The following STAC2 variants were observed in gnomAD, a reference collection of about 807,000 sequenced individuals.
STAC2 encodes SH3 and cysteine-rich domain-containing protein 2.
STAC2 carries 36 observed loss-of-function variants against 49.0 expected under a neutral mutation model. The observed-to-expected ratio is 0.74, with a 90% confidence interval of 0.56 to 0.97. The LOEUF is 0.97. Among genes scored for constraint, STAC2 ranks in the 50% least tolerant of loss-of-function variants. The pLI, the probability that STAC2 is intolerant of heterozygous loss-of-function variation, is 0.00. For synonymous variants in STAC2, 239 were observed against 214.7 expected, an observed-to-expected ratio of 1.11 and a Z score of -0.99; for missense variants, 527 against 543.8, an observed-to-expected ratio of 0.97 and a Z score of 0.31.
intron 4 of STAC2, among the ~76,000 whole-genome samples, chr17:39,216,173 G>T (rs1389664078): frequency 6.6e-6 from 1 of 151,494 alleles, no homozygotes; most frequent in Admixed American, 6.6e-5. Flanking sequence ...TTAGAGATAG[G>T]GTCTCACCAT....
chr17:39,212,994 C>T lies in STAC2; in HGVS notation c.1131+1G>A. On this transcript the variant is annotated splice_donor_variant, in intron 10 of 10. Coordinates refer to ENST00000333461, the MANE Select transcript of STAC2 (RefSeq NM_198993.5). LOFTEE classifies it high-confidence loss of function. ...GCCTGGGCTGGGCCTCAGGCACTCA[C>T]CTGGTTCTCCTTGAGGCTCATGTAA... 61 of 1,613,822 alleles carry T rather than the reference C, an allele frequency of 3.8e-5. No individual in the cohort carries two copies. The highest frequency in any genetic ancestry group is 5.2e-5 in the Non-Finnish European group (61 of 1,179,998).
chr17:39,225,882 T>G lies in STAC2; in HGVS notation c.-380A>C. 1 of 190,720 alleles carries G rather than the reference T, an allele frequency of 5.2e-6. No individual in the cohort carries two copies. The highest frequency in any genetic ancestry group is 1.0e-5 in the Non-Finnish European group (1 of 98,114). 11.8% of individuals were successfully genotyped at this position (190,720 alleles called of 1,614,324 possible). A position where few individuals can be genotyped will look rare whatever the true frequency, so the allele number is the denominator to read the frequency against. ...TGCGCCCGCCCCCCATCCCCTCCCC[T>G]CCCCCGCCGGCCCCAGCCCGGCACC... On this transcript the variant is annotated 5_prime_UTR_variant, in exon 1 of 11. Transcript: ENST00000333461. This position sits in a 1 kb window ranked among gnomAD's most constrained non-coding sequence, Gnocchi z 8.2.
At position 39,225,393 on chromosome 17, in the gene STAC2, C is replaced by T. The variant is rs531456715; in HGVS notation, c.90+20G>A. 1.3e-6 allele frequency: 2 copies of T among 1,590,964 alleles called. No individual in the cohort carries two copies. Among genetic ancestry groups the T allele is most frequent in the Non-Finnish European group, 1.7e-6 (2 of 1,172,526 alleles). On this transcript the variant is annotated intron_variant, in intron 1 of 10. Coordinates refer to ENST00000333461, the MANE Select transcript of STAC2 (RefSeq NM_198993.5). This position sits in a 1 kb window ranked among gnomAD's most constrained non-coding sequence, Gnocchi z 8.2. Reference sequence around the variant, plus strand: ...CGCCCGGGCCCGGGGCGCGGACAGGCCTTGCGCCCCCCAAGTTACCTTGGT... The same window carrying T: ...CGCCCGGGCCCGGGGCGCGGACAGGTCTTGCGCCCCCCAAGTTACCTTGGT...
At chr17:39,216,231 C>T (rs1384854485) in intron 4 of STAC2, among the ~76,000 whole-genome samples, 2 of 152,048 alleles carry the variant, frequency 1.3e-5, no homozygotes, top group Non-Finnish European at 2.9e-5. Flanking sequence ...ATCCTCCTGC[C>T]TCAGCCTCCC....
rs151048915 is a variant in STAC2 at position 39,215,131 on chromosome 17, G to A, written c.686C>T (p.Pro229Leu). 129 of 1,613,620 alleles carry A rather than the reference G, an allele frequency of 8.0e-5. 1 individual carries two copies. The highest frequency in any genetic ancestry group is 1.0e-4 in the Non-Finnish European group (121 of 1,179,950). Residue 229 changes from proline (P) to leucine (L), a missense_variant, in exon 5 of 11, where the codon CCG becomes CTG. Transcript: ENST00000333461. ...TGCCCACCATACCAGGCTCCTTGTC[G>A]GGGACTCAGAGGTGCTGCTGAAACT... ...RSSFSSTSES[P>L]TRSLSERDEL...
intron 3 of STAC2, 22 bp from the exon 4 acceptor site, chr17:39,216,922 A>G: frequency 6.3e-7 from 1 of 1,589,354 alleles, no homozygotes; most frequent in South Asian, 1.1e-5. Context: ...GAGGGCAGAG[A>G]GGTTTTGAGG....
rs2046505189 is a variant in STAC2 at position 39,225,518 on chromosome 17, G to A, written c.-16C>T. 15 of 1,608,952 alleles carry A rather than the reference G, an allele frequency of 9.3e-6. No homozygotes were observed. Among genetic ancestry groups the A allele is most frequent in the Non-Finnish European group, 1.2e-5 (14 of 1,178,302 alleles). Reference sequence around the variant, plus strand: ...TCTCGGTCATGGTTCGGGGAGAGGGGAGGAGAGGGTGCCGAGATCCGACGG... The same window carrying A: ...TCTCGGTCATGGTTCGGGGAGAGGGAAGGAGAGGGTGCCGAGATCCGACGG... On this transcript the variant is annotated 5_prime_UTR_variant, in exon 1 of 11. Transcript: ENST00000333461. The surrounding 1 kb of genome is among the most constrained non-coding windows in gnomAD (Gnocchi z 8.2).
chr17:39,221,287 G>C (rs1442744136), intron 1 of STAC2, among the ~76,000 whole-genome samples: 1 of 151,732 alleles, frequency 6.6e-6, no homozygotes, highest in Non-Finnish European at 1.5e-5. Context: ...TTTTAGTAGA[G>C]ATGGGGTTTC....
chr17:39,211,322 T>C lies in STAC2; in HGVS notation c.*970A>G, dbSNP rs1331107471. 2 of 151,958 alleles carry C rather than the reference T, an allele frequency of 1.3e-5. No individual in the cohort carries two copies. The highest frequency in any genetic ancestry group is 3.8e-4 in the East Asian group (2 of 5,264). 9.4% of individuals were successfully genotyped at this position (151,958 alleles called of 1,614,324 possible). A position where few individuals can be genotyped will look rare whatever the true frequency, so the allele number is the denominator to read the frequency against. On this transcript the variant is annotated 3_prime_UTR_variant, in exon 11 of 11. Transcript: ENST00000333461. ...TTTTTTGAGACGGAGTCTCGCTCTG[T>C]TGCCCAGGCTGGGGTGCAATGGTGC... is the stretch of plus-strand genomic sequence containing the variant.
At chr17:39,215,741 C>T (rs142210540) in intron 4 of STAC2, among the ~76,000 whole-genome samples, 2,709 of 152,216 alleles carry the variant, frequency 0.018, 68 homozygotes, top group African/African-American at 0.06. Flanking sequence ...TCTCGCTCTG[C>T]CGCCCAGGCT....
At position 39,214,245 on chromosome 17, in the gene STAC2, T is replaced by C. The variant is rs761529844; in HGVS notation, c.929A>G (p.Asp310Gly). The C allele has an allele frequency of 1.2e-6, 2 of 1,613,810 alleles. No homozygotes were observed. The highest frequency in any genetic ancestry group is 8.5e-7 in the Non-Finnish European group (1 of 1,179,890). Residue 310 changes from aspartate to glycine, a missense_variant, in exon 8 of 11, where the codon GAT (aspartate) becomes GGT (glycine). Asp to Gly is a moderately conservative substitution (Grantham distance 94). Transcript: ENST00000333461. ...AAAGAGGACTTACTGCAGAGCCAGA[T>C]CATTGTTCTCCTGGGGCAGAAACTT... is the stretch of plus-strand genomic sequence containing the variant. ...LYKFLPQENN[D>G]LALQPGDRIM...
intron 7 of STAC2, 65 bp downstream of exon 7, chr17:39,214,725 AT>A (rs2144233203): frequency 6.4e-7 from 1 of 1,561,582 alleles, no homozygotes; most frequent in East Asian, 2.3e-5. Flanking sequence ...CTATGAATCA[AT>A]GGCAAGGAGA....
At chr17:39,219,516 C>T (rs1294510656) in intron 1 of STAC2, among the ~76,000 whole-genome samples, 3 of 152,164 alleles carry the variant, frequency 2.0e-5, no homozygotes, top group Non-Finnish European at 4.4e-5. Flanking sequence ...TTTCTCACTC[C>T]CCCAGGAGAT....
At position 39,212,246 on chromosome 17, in the gene STAC2, G is replaced by T; in HGVS notation, c.*46C>A. 2.1e-6 allele frequency: 3 copies of T among 1,445,970 alleles called. No individual in the cohort carries two copies. Among genetic ancestry groups the T allele is most frequent in the East Asian group, 2.4e-5 (1 of 41,958 alleles). 89.6% of individuals were successfully genotyped at this position (1,445,970 alleles called of 1,614,324 possible). On this transcript the variant is annotated 3_prime_UTR_variant, in exon 11 of 11. Coordinates refer to ENST00000333461, the MANE Select transcript of STAC2 (RefSeq NM_198993.5). Reference sequence around the variant, plus strand: ...TGATCCCCTCCCTGGCCAGAAGCAAGGTCCAGGCATGGGCAAGGGTGTCAT... The same window carrying T: ...TGATCCCCTCCCTGGCCAGAAGCAATGTCCAGGCATGGGCAAGGGTGTCAT...
At position 39,213,598 on chromosome 17, in the gene STAC2, G is replaced by T. The variant is rs376071211; in HGVS notation, c.942-40C>A. 13 of 1,606,198 alleles carry T rather than the reference G, an allele frequency of 8.1e-6. No homozygotes were observed. In the African/African-American group the frequency reaches 1.5e-4, roughly 18 times the overall value. ...GCTAGGGTTGCATATGGAGCAGGGA[G>T]TAGTGCCCCTCCCCATCCTAGCAGA... is the stretch of plus-strand genomic sequence containing the variant. On this transcript the variant is annotated intron_variant, in intron 8 of 10. Transcript: ENST00000333461.
chr17:39,215,944 G>A (rs906315190), intron 4 of STAC2, among the ~76,000 whole-genome samples: 3 of 151,970 alleles, frequency 2.0e-5, no homozygotes, highest in East Asian at 1.9e-4. Context: ...CGCCCGCCTC[G>A]GCCTCCCAAA....
chr17:39,215,158 G>A lies in STAC2; in HGVS notation c.659C>T (p.Ser220Phe). The change falls in exon 5 of 11, where the codon TCC (serine) becomes TTC (phenylalanine). Residue 220 changes from serine to phenylalanine, a missense_variant. Ser to Phe is a radical substitution (Grantham distance 155, BLOSUM62 -2). Coordinates refer to ENST00000333461, the MANE Select transcript of STAC2 (RefSeq NM_198993.5). ...GGACTCAGAGGTGCTGCTGAAACTGGAGCGGTTCATCAGTGCCAGGGAGGT... is the reference window on the plus strand; with the variant it reads ...GGACTCAGAGGTGCTGCTGAAACTGAAGCGGTTCATCAGTGCCAGGGAGGT... ...YGTSLALMNR[S>F]SFSSTSESPT... is the part of the protein sequence containing the mutation. 1.9e-6 allele frequency: 3 copies of A among 1,614,072 alleles called. No homozygotes were observed. Among genetic ancestry groups the A allele is most frequent in the Non-Finnish European group, 2.5e-6 (3 of 1,180,014 alleles).
Position 39,211,682 on chromosome 17 carries a change from A to T in STAC2, c.*610T>A, listed in dbSNP as rs2046355431. ...TCATCTGTCCGCCCAGGTTTCAAGT[A>T]ACGGGAGAGATTCCTGCAAAACTTT... On this transcript the variant is annotated 3_prime_UTR_variant, in exon 11 of 11. Transcript: ENST00000333461. The T allele has an allele frequency of 6.5e-6, 1 of 152,846 alleles. No individual in the cohort carries two copies. The highest frequency in any genetic ancestry group is 2.1e-4 in the South Asian group (1 of 4,836). The allele number at this position is 152,846 out of a possible 1,614,324, so 9.5% of individuals were successfully genotyped here.
chr17:39,214,358 C>T (rs376315998), intron 7 of STAC2, 28 bp from the exon 8 acceptor site: 27 of 1,612,916 alleles, frequency 1.7e-5, no homozygotes, highest in Admixed American at 1.0e-4. Context: ...GGTCGGTGAC[C>T]GGAAAGCAGC....
Sources: allele counts gnomAD v4.1 joint callset (sites outside exome capture counted in the v4.1 genomes callset), GRCh38; gene constraint gnomAD v4.1.1; non-coding constraint Gnocchi (gnomAD v3.1); transcripts MANE v1.5; gene names NCBI Gene and HGNC (gene_info 2026-07-23, HGNC 2026-07-21).